Variants in TTN observed in about 807,000 individuals in gnomAD.
TTN encodes the protein titin, also known as connectin.
Under a neutral mutation model 3,223.0 loss-of-function variants are expected in TTN, and 1,525 were observed. The observed-to-expected ratio is 0.47, with a 90% CI of 0.45 to 0.49. The LOEUF (loss-of-function observed/expected upper bound fraction) is 0.49, where lower values mean the gene tolerates loss of function less well. TTN is among the 20% of genes least tolerant of loss of function. TTN has a pLI of 0.00. For missense variants in TTN, 40,786 were observed against 43,424.0 expected (o/e 0.94, Z 5.40); for synonymous variants, 14,094 against 15,161.0 (o/e 0.93, Z 5.17).
Position 178,709,827 on chromosome 2 carries a change from T to A in TTN, c.28492A>T (p.Arg9498Ter), listed in dbSNP as rs757471312. The A allele has an allele frequency of 1.2e-6, 2 of 1,612,534 alleles. No individual in the cohort carries two copies. The highest frequency in any genetic ancestry group is 2.2e-5 in the South Asian group (2 of 90,986). Residue 9498 changes from arginine to a stop codon, truncating the protein, a stop_gained, in exon 99 of 363, where the codon AGA becomes TGA. Coordinates refer to ENST00000589042, the MANE Select transcript of TTN (RefSeq NM_001267550.2). LOFTEE classifies it high-confidence loss of function. Reference protein sequence around the residue: ...ERLIPPSFTKRLSETVEETEG... With the variant: ...ERLIPPSFTK The stretch of plus-strand genomic sequence containing the variant: ...GTTTCTTCTACTGTCTCTGAGAGTC[T>A]TTTAGTGAAACTTGGTGGGATGAGC...
chr2:178,744,588 G>C (rs1490355020), intron 47 of TTN: 1 of 920,712 alleles, frequency 1.1e-6, no homozygotes, highest in Non-Finnish European at 1.3e-6. Context: ...TCGTTTTAAA[G>C]ATGAAATTCA....
chr2:178,619,005 T>A (rs2057830560), intron 250 of TTN, 152 bp from the exon 251 acceptor site: 1 of 1,028,022 alleles, frequency 9.7e-7, no homozygotes, highest in Non-Finnish European at 1.4e-6. Context: ...TGGCTTAGAG[T>A]TCTCATAGCT....
Position 178,534,083 on chromosome 2 carries a change from C to G in TTN, c.102532G>C (p.Glu34178Gln), listed in dbSNP as rs774700628. 2.5e-6 allele frequency: 4 copies of G among 1,613,958 alleles called. No individual in the cohort carries two copies. Among genetic ancestry groups the G allele is most frequent in the Non-Finnish European group, 3.4e-6 (4 of 1,179,860 alleles). ...GTGATTTCGTATTTCTCACTGTTCT[C>G]CAGCTGTCGGACGCCAAAGTACCAA... ...VTWYFGVRQLENSEKYEITYE... is the reference protein window; with the variant it reads ...VTWYFGVRQLQNSEKYEITYE... The change falls in exon 358 of 363, where the codon GAG becomes CAG. Residue 34178 changes from glutamate to glutamine, a missense_variant. Glu to Gln is a conservative substitution (Grantham distance 29, BLOSUM62 2). Transcript: ENST00000589042.
At position 178,554,983 on chromosome 2, in the gene TTN, G is replaced by A; in HGVS notation, c.88476C>T (p.Thr29492=). 6.2e-7 allele frequency: 1 copy of A among 1,613,570 alleles called. No homozygotes were observed. The highest frequency in any genetic ancestry group is 1.7e-5 in the Admixed American group (1 of 59,990). Residue 29492 remains threonine, a synonymous_variant, in exon 331 of 363, where the codon ACC becomes ACT. Coordinates refer to ENST00000589042, the MANE Select transcript of TTN (RefSeq NM_001267550.2). ...QTNALVCVEN[T]TDLASILIKD... ...TGATGAGTATAGATGCGAGGTCCGT[G>A]GTATTTTCAACACACACCAGTGCAT...
At chr2:178,676,899 G>C (rs950220626) in intron 147 of TTN, among the ~76,000 whole-genome samples, 1 of 151,394 alleles carries the variant, frequency 6.6e-6, no homozygotes, top group East Asian at 1.9e-4. Context: ...TAAATATATA[G>C]TATACTTATT....
rs958167695 is a variant in TTN, at chr2:178,591,475, A to G, written c.60250T>C (p.Leu20084=). Residue 20084 remains leucine (L), a synonymous_variant, in exon 304 of 363, where the codon TTA becomes CTA. Coordinates refer to ENST00000589042, the MANE Select transcript of TTN (RefSeq NM_001267550.2). ...GCCTTTACCACAAGACCTTCAATTA[A>G]TTTCACATCTAGCTCCACGGATGGA... The part of the protein sequence containing the change: ...VPPSVELDVK[L]IEGLVVKAGT... 1 of 1,586,546 alleles carries G rather than the reference A, an allele frequency of 6.3e-7. No homozygotes were observed. Among genetic ancestry groups the G allele is most frequent in the Non-Finnish European group, 8.5e-7 (1 of 1,170,906 alleles).
At chr2:178,540,016 A>G in intron 351 of TTN, 50 bp from the exon 352 acceptor site, 1 of 1,601,826 alleles carries the variant, frequency 6.2e-7, no homozygotes, top group Non-Finnish European at 8.5e-7. Flanking sequence ...AGGGGGACTA[A>G]GAAATAAGTC....
Position 178,727,682 on chromosome 2 carries a change from A to G in TTN, c.19896T>C (p.Asn6632=). 6.2e-7 allele frequency: 1 copy of G among 1,613,248 alleles called. No individual in the cohort carries two copies. Among genetic ancestry groups the G allele is most frequent in the Non-Finnish European group, 8.5e-7 (1 of 1,179,424 alleles). The change falls in exon 68 of 363, where the codon AAT becomes AAC. Residue 6632 remains asparagine, a synonymous_variant. Transcript: ENST00000589042. ...TCTTAGAAGCATCCACTGAGTAGAG[A>G]TTTAAGAAGCTAGTCGACCCTTCCA... ...IGLEGSTSFL[N]LYSVDASKTG...
At position 178,571,746 on chromosome 2, in the gene TTN, C is replaced by G; in HGVS notation, c.74386G>C (p.Glu24796Gln). ...ATAACATTAAGGGTTTCAATAGCTT[C>G]ACCAGCTGAGTTAGTCAGTTTAACC... ...YVVKLTNSAG[E>Q]AIETLNVIVL... Residue 24796 changes from glutamate (E) to glutamine (Q), a missense_variant, in exon 326 of 363, where the codon GAA (glutamate) becomes CAA (glutamine). Glu to Gln is a conservative substitution (Grantham distance 29). Coordinates refer to ENST00000589042, the MANE Select transcript of TTN (RefSeq NM_001267550.2). 6.2e-7 allele frequency: 1 copy of G among 1,613,446 alleles called. No individual in the cohort carries two copies. Among genetic ancestry groups the G allele is most frequent in the Non-Finnish European group, 8.5e-7 (1 of 1,179,542 alleles).
In TTN at chr2:178,633,692, A is replaced by G. The variant is rs764167925; in HGVS notation, c.42683-16T>C. 2.2e-5 allele frequency: 36 copies of G among 1,609,282 alleles called. No individual in the cohort carries two copies. Among genetic ancestry groups the G allele is most frequent in the Non-Finnish European group, 3.1e-5 (36 of 1,178,710 alleles). On this transcript the variant is annotated splice_polypyrimidine_tract_variant and intron_variant, in intron 231 of 362. Transcript: ENST00000589042. ...GGATCGGCCTCTGTAAAAGACATTT[A>G]GCATAAAATTAGAAGAATGTGAAAA...
chr2:178,720,041 T>C lies in TTN; in HGVS notation c.23601A>G (p.Ile7867Met), dbSNP rs1334032406. The stretch of plus-strand genomic sequence containing the variant: ...TTCCAGCATCGTTTTTGATTTGGCA[T>C]ATATATTTTCCAGAATTAGATGCTT... ...SPEASNSGKY[I>M]CQIKNDAGMR... Residue 7867 changes from isoleucine to methionine, a missense_variant, in exon 81 of 363, where the codon ATA becomes ATG. Transcript: ENST00000589042. 2.5e-6 allele frequency: 4 copies of C among 1,613,556 alleles called. No homozygotes were observed. The South Asian group carries it at 3.3e-5, about 13-fold the overall frequency.
chr2:178,763,949 TAAAG>T (rs1046336426), intron 43 of TTN, among the ~76,000 whole-genome samples: 6 of 151,998 alleles, frequency 3.9e-5, no homozygotes, highest in African/African-American at 1.4e-4. Context: ...TTTATTGTGA[TAAAG>T]AACACATAAC....
At chr2:178,684,626 C>T (rs747253511) in intron 131 of TTN, 40 bp downstream of exon 131, 44 of 1,574,546 alleles carry the variant, frequency 2.8e-5, no homozygotes, top group Non-Finnish European at 3.5e-5. Flanking sequence ...GAAAGACAAG[C>T]CATATGTTCC....
chr2:178,755,794 G>A (rs768148220), intron 46 of TTN, among the ~76,000 whole-genome samples: 1 of 152,114 alleles, frequency 6.6e-6, no homozygotes, highest in Non-Finnish European at 1.5e-5. Context: ...ACCTCCAGAT[G>A]TGAAAATAAA....
chr2:178,640,723 G>T, intron 220 of TTN, 93 bp from the exon 221 acceptor site: 1 of 1,048,946 alleles, frequency 9.5e-7, no homozygotes, highest in Non-Finnish European at 1.4e-6. Flanking sequence ...AAACTCTATG[G>T]ATGGTTTTTT....
intron 88 of TTN, 66 bp downstream of exon 88, chr2:178,717,029 C>T: frequency 1.3e-6 from 2 of 1,514,650 alleles, no homozygotes; most frequent in South Asian, 1.4e-5. Flanking sequence ...CAAGCACACC[C>T]ACCCTCCTAT....
chr2:178,716,895 T>C (rs1184269062), intron 88 of TTN, among the ~76,000 whole-genome samples, 200 bp downstream of exon 88: 2 of 152,276 alleles, frequency 1.3e-5, no homozygotes, highest in East Asian at 3.9e-4. Flanking sequence ...TTTTGGTCCA[T>C]GTTTTCCTAG....
In TTN at chr2:178,697,102, A is replaced by G; in HGVS notation, c.30802+19T>C. The G allele has an allele frequency of 6.5e-7, 1 of 1,533,016 alleles. No individual in the cohort carries two copies. Among genetic ancestry groups the G allele is most frequent in the Non-Finnish European group, 8.8e-7 (1 of 1,131,468 alleles). 95.0% of individuals were successfully genotyped at this position (1,533,016 alleles called of 1,614,324 possible). On this transcript the variant is annotated intron_variant, in intron 113 of 362. Transcript: ENST00000589042. Reference sequence around the variant, plus strand: ...AATCTCAGGAATAAACAGAATAAAAATAATTTATCTTTATTTACCTTTTGC... The same window carrying G: ...AATCTCAGGAATAAACAGAATAAAAGTAATTTATCTTTATTTACCTTTTGC...
In TTN at chr2:178,593,699, C is replaced by T. The variant is rs563833549; in HGVS notation, c.58601G>A (p.Ser19534Asn). ...KDVWMPVTSA[S>N]AKTTCKVSKL... ...AGAAACTTTGCATGTTGTTTTAGCACTTGCAGATGTCACTGGCATCCAGAC... is the reference window on the plus strand; with the variant it reads ...AGAAACTTTGCATGTTGTTTTAGCATTTGCAGATGTCACTGGCATCCAGAC... The change falls in exon 298 of 363, where the codon AGT (serine) becomes AAT (asparagine). Residue 19534 changes from serine (S) to asparagine (N), a missense_variant. Ser to Asn is a conservative substitution (Grantham distance 46). Coordinates refer to ENST00000589042, the MANE Select transcript of TTN (RefSeq NM_001267550.2). 27 of 1,613,354 alleles carry T rather than the reference C, an allele frequency of 1.7e-5. No homozygotes were observed. Among genetic ancestry groups the T allele is most frequent in the Admixed American group, 1.0e-4 (6 of 59,948 alleles).
Sources: allele counts gnomAD v4.1 joint callset (sites outside exome capture counted in the v4.1 genomes callset), GRCh38; gene constraint gnomAD v4.1.1; transcripts MANE v1.5; gene names NCBI Gene and HGNC (gene_info 2026-07-23, HGNC 2026-07-21).